PRDM10: variants seen among roughly 807,000 people sequenced by gnomAD.
PRDM10 encodes the protein PR/SET domain 10.
A neutral mutation model predicts 133.1 loss-of-function variants in PRDM10; 65 were observed. That is an observed-to-expected ratio of 0.49 (90% CI 0.40 to 0.60). The LOEUF (loss-of-function observed/expected upper bound fraction) is 0.60, where lower values mean the gene tolerates loss of function less well. PRDM10 is among the 20% of genes least tolerant of loss of function. PRDM10 has a pLI of 0.00. For synonymous variants in PRDM10, 582 were observed against 580.4 expected, an observed-to-expected ratio of 1.00 and a Z score of -0.04; for missense variants, 1,137 against 1,507.1, an observed-to-expected ratio of 0.75 and a Z score of 4.07.
chr11:129,940,653 T>C (rs1366045278), intron 7 of PRDM10, among the ~76,000 whole-genome samples: 1 of 152,230 alleles, frequency 6.6e-6, no homozygotes, highest in Non-Finnish European at 1.5e-5. Context: ...GCTGGACCTA[T>C]CAACACATCA....
intron 1 of PRDM10, among the ~76,000 whole-genome samples, chr11:129,967,050 A>C (rs1043953771): frequency 3.3e-5 from 5 of 152,200 alleles, no homozygotes; most frequent in African/African-American, 1.2e-4. Context: ...AAACGAATCT[A>C]GAAGAGCTCT....
intron 1 of PRDM10, among the ~76,000 whole-genome samples, chr11:129,992,668 A>T (rs1021340472): frequency 3.9e-5 from 6 of 152,220 alleles, no homozygotes; most frequent in African/African-American, 1.4e-4. Context: ...ATTACTCAAC[A>T]GCCAGAGTTG....
At chr11:129,994,980 T>C (rs898279042) in intron 1 of PRDM10, among the ~76,000 whole-genome samples, 2 of 152,220 alleles carry the variant, frequency 1.3e-5, no homozygotes, top group South Asian at 2.1e-4. Context: ...AATGTATAAA[T>C]GAAACAAAGT....
chr11:129,994,251 G>T (rs1227764234), intron 1 of PRDM10, among the ~76,000 whole-genome samples: 1 of 151,988 alleles, frequency 6.6e-6, no homozygotes, highest in Non-Finnish European at 1.5e-5. Context: ...CGGGTGGTCA[G>T]GAGTTCGAGA....
At position 129,900,850 on chromosome 11, in the gene PRDM10, C is replaced by T. The variant is rs752166134; in HGVS notation, c.*1463G>A. On this transcript the variant is annotated 3_prime_UTR_variant, in exon 21 of 21. Transcript: ENST00000360871. ...TGAACGCAGTCTCAGAAATAAAGTG[C>T]GAAATCTACACATCAATAAAGTTCT... The T allele has an allele frequency of 2.0e-5, 3 of 151,522 alleles. No individual in the cohort carries two copies. Among genetic ancestry groups the T allele is most frequent in the African/African-American group, 7.3e-5 (3 of 41,036 alleles). The allele number at this position is 151,522 out of a possible 1,614,324, so 9.4% of individuals were successfully genotyped here.
At chr11:129,988,865 G>C (rs573697275) in intron 1 of PRDM10, among the ~76,000 whole-genome samples, 1 of 140,896 alleles carries the variant, frequency 7.1e-6, no homozygotes, top group Non-Finnish European at 1.5e-5. Flanking sequence ...TCCTGACCTC[G>C]TGATCCGCCC....
intron 13 of PRDM10, among the ~76,000 whole-genome samples, chr11:129,919,414 A>G (rs532408753): frequency 6.6e-6 from 1 of 152,284 alleles, no homozygotes; most frequent in Non-Finnish European, 1.5e-5. Flanking sequence ...TTCAGCAAAC[A>G]TTATATTTTT....
chr11:129,913,988 C>T (rs1233644493), intron 17 of PRDM10, among the ~76,000 whole-genome samples: 15 of 152,178 alleles, frequency 9.9e-5, no homozygotes, highest in Admixed American at 9.8e-4. Context: ...TACAAAGGCA[C>T]TGACTGATAT....
At chr11:129,970,090 T>C (rs1951985844) in intron 1 of PRDM10, among the ~76,000 whole-genome samples, 1 of 152,200 alleles carries the variant, frequency 6.6e-6, no homozygotes, top group Admixed American at 6.5e-5. Context: ...AGTTCTGAAA[T>C]ATGTTCAGAT....
At chr11:129,967,370 GAC>G (rs1951929465) in intron 1 of PRDM10, among the ~76,000 whole-genome samples, 2 of 152,246 alleles carry the variant, frequency 1.3e-5, no homozygotes, top group African/African-American at 4.8e-5. Context: ...CAGCATGGGT[GAC>G]AGAGTGAGAC....
rs1041857558 is a variant in PRDM10 at position 129,918,748 on chromosome 11, T to C, written c.2035-30A>G. On this transcript the variant is annotated intron_variant, in intron 13 of 20. Coordinates refer to ENST00000360871, the MANE Select transcript of PRDM10 (RefSeq NM_199437.2). The surrounding 1 kb of genome is among the most constrained non-coding windows in gnomAD (Gnocchi z 5.3). ...TTGGAGAGTATTTTTGAAAACGGGG[T>C]AGACACGGGGGTAGAAAATTTTTAA... The C allele has an allele frequency of 1.3e-6, 2 of 1,573,952 alleles. No individual in the cohort carries two copies. The highest frequency in any genetic ancestry group is 1.7e-6 in the Non-Finnish European group (2 of 1,154,834).
intron 10 of PRDM10, 93 bp from the exon 11 acceptor site, chr11:129,931,351 C>G (rs1377814234): frequency 3.5e-6 from 5 of 1,442,726 alleles, no homozygotes; most frequent in African/African-American, 1.4e-5. Flanking sequence ...TGACTAGATT[C>G]ATAATACTCA....
chr11:129,938,823 C>T (rs991825974), intron 7 of PRDM10, among the ~76,000 whole-genome samples: 2 of 152,218 alleles, frequency 1.3e-5, no homozygotes, highest in South Asian at 2.1e-4. Flanking sequence ...AAGGGCTCCA[C>T]AATCTCCCCA....
In PRDM10 at chr11:129,947,108, C is replaced by T; in HGVS notation, c.520+37G>A. 6.2e-7 allele frequency: 1 copy of T among 1,606,278 alleles called. No homozygotes were observed. The highest frequency in any genetic ancestry group is 2.2e-5 in the East Asian group (1 of 44,814). ...CACGTACACAGACACACAAGATGGA[C>T]ACAGCTTCCCTGGGGGAGACCCGTG... On this transcript the variant is annotated intron_variant, in intron 5 of 20. Transcript: ENST00000360871. This position sits in a 1 kb window ranked among gnomAD's most constrained non-coding sequence, Gnocchi z 4.6.
At chr11:129,948,036 C>A (rs1271103010) in intron 4 of PRDM10, 1 of 456,684 alleles carries the variant, frequency 2.2e-6, no homozygotes, top group Admixed American at 2.3e-5. Flanking sequence ...ACAGCTCAGG[C>A]AGGCTGAGGT....
intron 15 of PRDM10, among the ~76,000 whole-genome samples, chr11:129,916,422 C>T (rs980229731): frequency 2.0e-5 from 3 of 152,128 alleles, no homozygotes; most frequent in Admixed American, 1.3e-4. Flanking sequence ...CCGAGGCGGG[C>T]GATCACCTGA....
At chr11:129,963,400 A>G (rs556686822) in intron 1 of PRDM10, among the ~76,000 whole-genome samples, 1 of 123,270 alleles carries the variant, frequency 8.1e-6, no homozygotes, top group Non-Finnish European at 1.6e-5. Context: ...AGAAGAGAAG[A>G]GAAGAGAAGA....
chr11:130,002,467 C>T (rs1281154167), intron 1 of PRDM10, among the ~76,000 whole-genome samples: 1 of 152,128 alleles, frequency 6.6e-6, no homozygotes, highest in Admixed American at 6.5e-5. Flanking sequence ...CCCCCCACCC[C>T]GAGTGAGGTG....
At chr11:129,980,938 C>T (rs1040413156) in intron 1 of PRDM10, among the ~76,000 whole-genome samples, 3 of 146,228 alleles carry the variant, frequency 2.1e-5, no homozygotes, top group Admixed American at 6.9e-5. Context: ...GTGGCACGAC[C>T]TTGGCTCACT....
Sources: gnomAD v4.1 joint callset for allele counts (sites outside exome capture counted in the v4.1 genomes callset) on GRCh38, gnomAD v4.1.1 for gene constraint, Gnocchi (gnomAD v3.1) non-coding constraint, MANE v1.5 for transcripts, NCBI Gene and HGNC (gene_info 2026-07-23, HGNC 2026-07-21) for gene names.